TBC1D5: variants seen among roughly 807,000 people sequenced by gnomAD.
TBC1D5 encodes the protein TBC1 domain family, member 5.
Under a neutral mutation model 100.3 loss-of-function variants are expected in TBC1D5, and 75 were observed. The observed-to-expected ratio is 0.75, with a 90% CI of 0.62 to 0.91. The LOEUF is 0.91. Ranked by LOEUF, TBC1D5 falls within the 40% of genes least tolerant of loss-of-function variation. TBC1D5 has a pLI of 0.00. For synonymous variants in TBC1D5, 323 were observed against 325.6 expected (o/e 0.99, Z 0.09); for missense variants, 910 against 942.4 (o/e 0.97, Z 0.45).
At chr3:17,666,677 T>A (rs1022873453) in intron 1 of TBC1D5, among the ~76,000 whole-genome samples, 1 of 152,110 alleles carries the variant, frequency 6.6e-6, no homozygotes, top group Non-Finnish European at 1.5e-5. Context: ...CTCCATAAAC[T>A]TCAGTGATTT....
intron 2 of TBC1D5, among the ~76,000 whole-genome samples, chr3:17,531,282 G>A (rs1204500594): frequency 1.3e-5 from 2 of 152,204 alleles, no homozygotes; most frequent in African/African-American, 4.8e-5. Flanking sequence ...TACAAGGGAT[G>A]TGAAGGACTT....
intron 3 of TBC1D5, among the ~76,000 whole-genome samples, chr3:17,473,750 CTGAAG>C (rs1165056196): frequency 2.0e-5 from 3 of 152,084 alleles, no homozygotes; most frequent in Non-Finnish European, 4.4e-5. Context: ...TTTTAATTTA[CTGAAG>C]TGTTTTTTAA....
chr3:17,276,552 C>CT (rs1559535621), intron 15 of TBC1D5, among the ~76,000 whole-genome samples: 1 of 152,142 alleles, frequency 6.6e-6, no homozygotes, highest in African/African-American at 2.4e-5. Context: ...AGAGAGATGA[C>CT]TTGGCTTTTC....
chr3:17,684,945 C>T (rs1188707397), intron 1 of TBC1D5, among the ~76,000 whole-genome samples: 4 of 151,922 alleles, frequency 2.6e-5, no homozygotes, highest in African/African-American at 9.7e-5. Context: ...AACAGATTTG[C>T]CATTAAAATA....
At chr3:17,445,112 C>T (rs746175307) in intron 3 of TBC1D5, among the ~76,000 whole-genome samples, 5 of 152,184 alleles carry the variant, frequency 3.3e-5, no homozygotes, top group Non-Finnish European at 5.9e-5. Flanking sequence ...AACCCAGCTA[C>T]AGACCATATT....
At chr3:17,346,731 T>A (rs1288613815) in intron 13 of TBC1D5, among the ~76,000 whole-genome samples, 2 of 152,200 alleles carry the variant, frequency 1.3e-5, no homozygotes, top group Non-Finnish European at 2.9e-5. Flanking sequence ...ATTCTTACAT[T>A]ATATGGAATT....
At chr3:17,263,225 T>C (rs895643074) in intron 15 of TBC1D5, among the ~76,000 whole-genome samples, 2 of 151,418 alleles carry the variant, frequency 1.3e-5, no homozygotes, top group Non-Finnish European at 2.9e-5. Flanking sequence ...CAGCCGAGTA[T>C]GGTGGCACAT....
intron 17 of TBC1D5, among the ~76,000 whole-genome samples, chr3:17,236,801 G>A (rs2075894588): frequency 6.6e-6 from 1 of 151,886 alleles, no homozygotes. Context: ...ATGGTAATTT[G>A]AATATTCTCA....
At chr3:17,414,903 C>T (rs554554656) in intron 4 of TBC1D5, among the ~76,000 whole-genome samples, 1 of 152,170 alleles carries the variant, frequency 6.6e-6, no homozygotes, top group East Asian at 1.9e-4. Flanking sequence ...CAATTACACA[C>T]AAGCTTAAAA....
chr3:17,619,821 T>C (rs1037947787), intron 2 of TBC1D5, among the ~76,000 whole-genome samples: 5 of 152,176 alleles, frequency 3.3e-5, no homozygotes, highest in African/African-American at 1.2e-4. Context: ...ATATCACAGA[T>C]AAATGCCTAA....
At chr3:17,515,431 T>C (rs964405027) in intron 2 of TBC1D5, among the ~76,000 whole-genome samples, 1 of 152,202 alleles carries the variant, frequency 6.6e-6, no homozygotes, top group South Asian at 2.1e-4. Context: ...ATAGCACTTA[T>C]TGGGAAGCAA....
intron 18 of TBC1D5, among the ~76,000 whole-genome samples, chr3:17,187,726 T>C (rs2069320518): frequency 6.6e-6 from 1 of 152,216 alleles, no homozygotes; most frequent in Non-Finnish European, 1.5e-5. Context: ...AGTCTAGAAC[T>C]GTACCGAAGC....
intron 3 of TBC1D5, among the ~76,000 whole-genome samples, chr3:17,502,813 A>T (rs1011433764): frequency 6.7e-6 from 1 of 149,502 alleles, no homozygotes; most frequent in Admixed American, 6.6e-5. Flanking sequence ...TAGTCAACTC[A>T]GAAAACTGTA....
chr3:17,707,744 A>G (rs994363749), intron 1 of TBC1D5, among the ~76,000 whole-genome samples: 6 of 152,210 alleles, frequency 3.9e-5, no homozygotes, highest in African/African-American at 1.4e-4. Flanking sequence ...ATGAATATAT[A>G]AAAATATATC....
At chr3:17,242,951 C>G (rs1298705906) in intron 16 of TBC1D5, among the ~76,000 whole-genome samples, 1 of 152,038 alleles carries the variant, frequency 6.6e-6, no homozygotes, top group Non-Finnish European at 1.5e-5. Flanking sequence ...TGTGAAAGGT[C>G]TGTTAGATTT....
rs371938791 is a variant in TBC1D5 at position 17,398,345 on chromosome 3, T to C, written c.509+4836A>G. On this transcript the variant is annotated intron_variant, in intron 8 of 21. Transcript: ENST00000253692. ...AGGGTGACATAAAGGAATATTAAAATTGGCTGAAGAGGAAGATAATATTTA... is the reference window on the plus strand; with the variant it reads ...AGGGTGACATAAAGGAATATTAAAACTGGCTGAAGAGGAAGATAATATTTA... 1.4e-4 allele frequency among the ~76,000 whole-genome samples: 22 copies of C among 152,242 alleles called. No homozygotes were observed. In the South Asian group the frequency reaches 3.9e-3, roughly 27 times the overall value.
intron 2 of TBC1D5, among the ~76,000 whole-genome samples, chr3:17,519,796 T>C (rs1053566597): frequency 3.3e-5 from 5 of 152,208 alleles, no homozygotes; most frequent in Non-Finnish European, 5.9e-5. Flanking sequence ...GGAATAGATA[T>C]GGATTATACT....
intron 3 of TBC1D5, among the ~76,000 whole-genome samples, chr3:17,432,093 T>C (rs116170679): frequency 0.039 from 5,936 of 152,220 alleles, 170 homozygotes; most frequent in African/African-American, 0.08. Context: ...TTTTAGACTA[T>C]CACATCACAC....
At chr3:17,204,401 A>G (rs1164461883) in intron 18 of TBC1D5, among the ~76,000 whole-genome samples, 1 of 152,246 alleles carries the variant, frequency 6.6e-6, no homozygotes, top group Non-Finnish European at 1.5e-5. Context: ...AGGTCACTAG[A>G]AAGAAGCAAA....
Sources: allele counts gnomAD v4.1 joint callset (sites outside exome capture counted in the v4.1 genomes callset), GRCh38; gene constraint gnomAD v4.1.1; transcripts MANE v1.5; gene names NCBI Gene and HGNC (gene_info 2026-07-23, HGNC 2026-07-21).